Variants in GPC6 observed in about 807,000 individuals in gnomAD.
GPC6 encodes the protein glypican 6.
A neutral mutation model predicts 55.2 loss-of-function variants in GPC6; 14 were observed. That is an observed-to-expected ratio of 0.25 (90% CI 0.17 to 0.40). The LOEUF is 0.40. Ranked by LOEUF, GPC6 falls within the 10% of genes least tolerant of loss-of-function variation. GPC6 has a pLI of 1.00. For synonymous variants in GPC6, 278 were observed against 259.6 expected, an observed-to-expected ratio of 1.07 and a Z score of -0.68; for missense variants, 641 against 708.5, an observed-to-expected ratio of 0.90 and a Z score of 1.08.
At chr13:93,307,934 A>G (rs1229102841) in intron 1 of GPC6, among the ~76,000 whole-genome samples, 1 of 152,240 alleles carries the variant, frequency 6.6e-6, no homozygotes, top group African/African-American at 2.4e-5. Context: ...AAATATATAC[A>G]GATTTATCTG....
intron 3 of GPC6, among the ~76,000 whole-genome samples, chr13:93,975,346 T>C (rs1487414800): frequency 1.3e-5 from 2 of 152,204 alleles, no homozygotes; most frequent in Non-Finnish European, 2.9e-5. Context: ...TTGAGTTTTA[T>C]GCATTAGAGA....
chr13:93,454,867 CAGGAGCCCATGG>C (rs894800432), intron 1 of GPC6, among the ~76,000 whole-genome samples: 1 of 152,240 alleles, frequency 6.6e-6, no homozygotes, highest in African/African-American at 2.4e-5. Context: ...TTGGGCCGCA[CAGGAGCCCATGG>C]AGGGGGTGGG....
intron 1 of GPC6, among the ~76,000 whole-genome samples, chr13:93,516,935 G>A (rs1331111668): frequency 2.0e-5 from 3 of 152,090 alleles, no homozygotes; most frequent in Admixed American, 2.0e-4. Context: ...TGTATGTGGT[G>A]GGGCCAAAGC....
At position 93,601,311 on chromosome 13, in the gene GPC6, AG is replaced by A. The variant is rs748204860; in HGVS notation, c.319+55892del. 3.3e-4 allele frequency among the ~76,000 whole-genome samples: 50 copies of A among 152,166 alleles called. No homozygotes were observed. In the East Asian group the frequency reaches 3.5e-3, roughly 11 times the overall value. ...AGGCAGGAGAATCACTTGAATGAGG[AG>A]GTGGAGGTTGCAGTGAGCCAAGATC... On this transcript the variant is annotated intron_variant, in intron 2 of 8. Coordinates refer to ENST00000377047, the MANE Select transcript of GPC6 (RefSeq NM_005708.5).
intron 2 of GPC6, among the ~76,000 whole-genome samples, chr13:93,608,742 G>C (rs1222110000): frequency 6.6e-6 from 1 of 152,212 alleles, no homozygotes; most frequent in Non-Finnish European, 1.5e-5. Flanking sequence ...CGTTCAGGGA[G>C]AGGATGGAGG....
intron 4 of GPC6, among the ~76,000 whole-genome samples, chr13:94,094,324 A>G (rs1425553378): frequency 6.6e-6 from 1 of 152,176 alleles, no homozygotes; most frequent in Non-Finnish European, 1.5e-5. Flanking sequence ...AGCTTTAAAC[A>G]AAAGTGTATT....
chr13:94,004,479 C>G (rs1020263343), intron 3 of GPC6, among the ~76,000 whole-genome samples: 15 of 152,106 alleles, frequency 9.9e-5, no homozygotes, highest in Non-Finnish European at 1.6e-4. Context: ...ACAAACAGCA[C>G]TTGGAACATA....
At chr13:93,844,296 GC>G (rs1211628062) in intron 3 of GPC6, among the ~76,000 whole-genome samples, 1 of 152,008 alleles carries the variant, frequency 6.6e-6, no homozygotes, top group African/African-American at 2.4e-5. Context: ...GCACCACCAT[GC>G]CCAGCTAATT....
chr13:94,179,833 G>T (rs1417928028), intron 4 of GPC6, among the ~76,000 whole-genome samples: 1 of 151,998 alleles, frequency 6.6e-6, no homozygotes, highest in Non-Finnish European at 1.5e-5. Flanking sequence ...ACTACTTTTG[G>T]GGTAATAATG....
chr13:93,942,922 G>T (rs534809399), intron 3 of GPC6, among the ~76,000 whole-genome samples: 1 of 152,078 alleles, frequency 6.6e-6, no homozygotes, highest in Non-Finnish European at 1.5e-5. Flanking sequence ...CCTCAGTTGG[G>T]ATGGCCTTGC....
intron 2 of GPC6, among the ~76,000 whole-genome samples, chr13:93,681,400 A>G (rs1307923294): frequency 6.6e-6 from 1 of 152,214 alleles, no homozygotes; most frequent in African/African-American, 2.4e-5. Flanking sequence ...TATGCAATTT[A>G]ATTGTATAAC....
At chr13:94,266,577 C>T (rs1040284359) in intron 4 of GPC6, among the ~76,000 whole-genome samples, 1 of 142,398 alleles carries the variant, frequency 7.0e-6, no homozygotes, top group Non-Finnish European at 1.5e-5. Context: ...TAACTGACTT[C>T]TAGCAATTCT....
upstream of GPC6, among the ~76,000 whole-genome samples, chr13:93,224,489 T>A (rs1308353756): frequency 1.3e-5 from 2 of 152,184 alleles, no homozygotes; most frequent in Non-Finnish European, 1.5e-5. Context: ...CCACCGTGCC[T>A]GGCCTCGTTT....
At chr13:93,588,429 T>A (rs1877308543) in intron 2 of GPC6, among the ~76,000 whole-genome samples, 1 of 152,096 alleles carries the variant, frequency 6.6e-6, no homozygotes, top group Non-Finnish European at 1.5e-5. Context: ...TATTTACATT[T>A]ACTTTACCAC....
chr13:94,349,903 CG>C (rs1435857836), intron 6 of GPC6, among the ~76,000 whole-genome samples: 1 of 152,032 alleles, frequency 6.6e-6, no homozygotes, highest in Non-Finnish European at 1.5e-5. Flanking sequence ...CTAACCCAGT[CG>C]GTGACGAACA....
chr13:93,793,926 A>G (rs2138926407), intron 2 of GPC6, among the ~76,000 whole-genome samples: 1 of 152,306 alleles, frequency 6.6e-6, no homozygotes, highest in East Asian at 1.9e-4. Context: ...TGGGTAATAT[A>G]AAAACAAATG....
chr13:93,869,228 A>G (rs1390972454), intron 3 of GPC6, among the ~76,000 whole-genome samples: 1 of 151,848 alleles, frequency 6.6e-6, no homozygotes, highest in Non-Finnish European at 1.5e-5. Flanking sequence ...TTTAACTTCA[A>G]AAGGGAAAAA....
At chr13:93,945,998 C>T (rs1197515051) in intron 3 of GPC6, among the ~76,000 whole-genome samples, 2 of 152,246 alleles carry the variant, frequency 1.3e-5, no homozygotes, top group East Asian at 3.9e-4. Context: ...ACATGCTACA[C>T]ATTAAAGTGA....
intron 2 of GPC6, among the ~76,000 whole-genome samples, chr13:93,805,595 G>A (rs780680259): frequency 5.9e-5 from 9 of 152,096 alleles, no homozygotes; most frequent in Non-Finnish European, 1.2e-4. Context: ...GTTATATGGC[G>A]TGCATTATAT....
Sources: allele counts gnomAD v4.1 joint callset (sites outside exome capture counted in the v4.1 genomes callset), GRCh38; gene constraint gnomAD v4.1.1; transcripts MANE v1.5; gene names NCBI Gene and HGNC (gene_info 2026-07-23, HGNC 2026-07-21).